The following SENP1 variants were observed in gnomAD, a reference collection of about 807,000 sequenced individuals.
The protein encoded by SENP1 is sentrin-specific protease 1.
A neutral mutation model predicts 93.0 loss-of-function variants in SENP1; 21 were observed. That is an observed-to-expected ratio of 0.23 (90% CI 0.16 to 0.33). The LOEUF is 0.33. SENP1 is among the 10% of genes least tolerant of loss of function. The pLI is 1.00. For missense variants in SENP1, 591 were observed against 758.7 expected, an observed-to-expected ratio of 0.78 and a Z score of 2.60; for synonymous variants, 256 against 259.6, an observed-to-expected ratio of 0.99 and a Z score of 0.13.
intron 5 of SENP1, among the ~76,000 whole-genome samples, chr12:48,084,452 T>TA (rs1046546328): frequency 5.2e-5 from 6 of 114,568 alleles, no homozygotes; most frequent in Non-Finnish European, 1.1e-4. Context: ...TTTGAGTTTT[T>TA]TTTTTTTTTT....
intron 6 of SENP1, among the ~76,000 whole-genome samples, chr12:48,075,345 G>A (rs939213800): frequency 3.3e-5 from 5 of 152,114 alleles, no homozygotes; most frequent in African/African-American, 9.7e-5. Flanking sequence ...ATAGTGCAGA[G>A]GAACTATAGG....
intron 10 of SENP1, 108 bp downstream of exon 10, chr12:48,066,819 G>T: frequency 1.1e-6 from 1 of 888,306 alleles, no homozygotes; most frequent in Admixed American, 2.1e-5. Flanking sequence ...GCCTAAACAG[G>T]TACTTCTTAT....
chr12:48,106,017 C>T lies in SENP1; in HGVS notation c.-45+11G>A, dbSNP rs1469271028. The stretch of plus-strand genomic sequence containing the variant: ...TCCTCACCCCTCCCCCAGCTTCCCG[C>T]CGCCACTCACCGAACCGGAACCGGC... On this transcript the variant is annotated intron_variant, in intron 1 of 17. Coordinates refer to ENST00000549518, the MANE Select transcript of SENP1 (RefSeq NM_001267594.2). 5.7e-6 allele frequency: 4 copies of T among 701,186 alleles called. No individual in the cohort carries two copies. In the Admixed American group the frequency reaches 8.0e-5, roughly 14 times the overall value. 43.4% of individuals were successfully genotyped at this position (701,186 alleles called of 1,614,324 possible).
rs141926062 is a variant in SENP1 at position 48,073,119 on chromosome 12, T to C, written c.940+1205A>G. On this transcript the variant is annotated intron_variant, in intron 8 of 17. Transcript: ENST00000549518. ...GAATACTACTCAAAGGCAGGAATCATGTTCTTCTAAAGTGCTGTCATTAGA... is the reference window on the plus strand; with the variant it reads ...GAATACTACTCAAAGGCAGGAATCACGTTCTTCTAAAGTGCTGTCATTAGA... Among the ~76,000 whole-genome samples the C allele has an allele frequency of 4.7e-3, 722 of 152,326 alleles. 7 individuals carry two copies. Among genetic ancestry groups the C allele is most frequent in the African/African-American group, 0.016 (648 of 41,564 alleles).
In SENP1 at chr12:48,044,248, G is replaced by A. The variant is rs1175849491; in HGVS notation, c.*1074C>T. 1.3e-5 allele frequency: 2 copies of A among 151,228 alleles called. No homozygotes were observed. Among genetic ancestry groups the A allele is most frequent in the Non-Finnish European group, 3.0e-5 (2 of 67,782 alleles). 9.4% of individuals were successfully genotyped at this position (151,228 alleles called of 1,614,324 possible). A position where few individuals can be genotyped will look rare whatever the true frequency, so the allele number is the denominator to read the frequency against. On this transcript the variant is annotated 3_prime_UTR_variant, in exon 18 of 18. Coordinates refer to ENST00000549518, the MANE Select transcript of SENP1 (RefSeq NM_001267594.2). ...ACAAACACCCTACTCATAGGGGCTG[G>A]GATCTCTGTGTGCTGGAATTTGGAA...
chr12:48,060,780 T>G (rs1161561549), intron 13 of SENP1, among the ~76,000 whole-genome samples: 2 of 152,170 alleles, frequency 1.3e-5, no homozygotes, highest in East Asian at 3.9e-4. Flanking sequence ...TATCCTCCCT[T>G]CCCTTAATTA....
chr12:48,043,392 G>C lies in SENP1; in HGVS notation c.*1930C>G, dbSNP rs2136701910. On this transcript the variant is annotated 3_prime_UTR_variant, in exon 18 of 18. Transcript: ENST00000549518. ...CTGAGTCCCCCAGACAATAGTGAAA[G>C]AACCTGAAAAAGGTCTTTTGATTCA... The C allele has an allele frequency of 1.3e-5, 2 of 152,650 alleles. No individual in the cohort carries two copies. Among genetic ancestry groups the C allele is most frequent in the Middle Eastern group, 6.8e-3 (2 of 294 alleles). 9.5% of individuals were successfully genotyped at this position (152,650 alleles called of 1,614,324 possible).
rs1945673947 is a variant in SENP1, at chr12:48,097,980, A to C, written c.135+14T>G. On this transcript the variant is annotated intron_variant, in intron 3 of 17. Coordinates refer to ENST00000549518, the MANE Select transcript of SENP1 (RefSeq NM_001267594.2). The stretch of plus-strand genomic sequence containing the variant: ...AAATAATTAATTAATTAAAGGAAGA[A>C]AATTGCTCCTAACCTGCTGGTCAGA... 1 of 1,609,700 alleles carries C rather than the reference A, an allele frequency of 6.2e-7. No individual in the cohort carries two copies. Among genetic ancestry groups the C allele is most frequent in the Non-Finnish European group, 8.5e-7 (1 of 1,177,890 alleles).
intron 4 of SENP1, among the ~76,000 whole-genome samples, chr12:48,095,304 A>C: frequency 6.6e-6 from 1 of 151,958 alleles, no homozygotes; most frequent in Non-Finnish European, 1.5e-5. Flanking sequence ...TGGGAGGGGG[A>C]GCCAGGCGGA....
At chr12:48,047,364 C>A (rs1271605273) in intron 15 of SENP1, among the ~76,000 whole-genome samples, 1 of 152,158 alleles carries the variant, frequency 6.6e-6, no homozygotes, top group African/African-American at 2.4e-5. Context: ...TCTTTTTATT[C>A]TTTTCCTTGG....
intron 16 of SENP1, 102 bp from the exon 17 acceptor site, chr12:48,046,553 A>G: frequency 1.2e-6 from 1 of 849,578 alleles, no homozygotes; most frequent in Non-Finnish European, 2.0e-6. Context: ...GTTTCTCTAA[A>G]TTACAAACAG....
intron 1 of SENP1, among the ~76,000 whole-genome samples, chr12:48,103,761 G>A (rs1002395714): frequency 6.6e-6 from 1 of 152,196 alleles, no homozygotes; most frequent in African/African-American, 2.4e-5. Flanking sequence ...ACATTCAGAT[G>A]AAGTCAGGTT....
intron 5 of SENP1, chr12:48,085,516 C>T (rs1944792976): frequency 1.9e-6 from 1 of 531,804 alleles, no homozygotes; most frequent in Non-Finnish European, 3.3e-6. Context: ...CATTTTGAGC[C>T]TCTAATTTCC....
intron 12 of SENP1, among the ~76,000 whole-genome samples, chr12:48,064,102 GT>G: frequency 6.6e-6 from 1 of 152,020 alleles, no homozygotes; most frequent in South Asian, 2.1e-4. Flanking sequence ...AATTCCTAAA[GT>G]CTGGAACAAC....
chr12:48,097,521 T>A (rs963980980), intron 3 of SENP1, among the ~76,000 whole-genome samples: 1 of 152,250 alleles, frequency 6.6e-6, no homozygotes, highest in African/African-American at 2.4e-5. Flanking sequence ...TTTTAAAATA[T>A]AAATTCTGAT....
At chr12:48,046,000 A>G (rs1439797215) in intron 17 of SENP1, among the ~76,000 whole-genome samples, 7 of 152,206 alleles carry the variant, frequency 4.6e-5, no homozygotes, top group Admixed American at 4.6e-4. Context: ...AGATTGAGGT[A>G]TGGCCTATTC....
chr12:48,072,057 G>T (rs1943741018), intron 8 of SENP1, among the ~76,000 whole-genome samples: 1 of 152,286 alleles, frequency 6.6e-6, no homozygotes. Context: ...AAGTCTTCAT[G>T]GTAGTCCTCT....
intron 6 of SENP1, among the ~76,000 whole-genome samples, chr12:48,076,667 G>A (rs1030890641): frequency 3.4e-5 from 5 of 145,606 alleles, no homozygotes; most frequent in South Asian, 2.2e-4. Flanking sequence ...TTTTTGAGAC[G>A]GAGTCTCACT....
chr12:48,096,610 C>A (rs1171810118), intron 3 of SENP1, among the ~76,000 whole-genome samples, 183 bp from the exon 4 acceptor site: 1 of 152,130 alleles, frequency 6.6e-6, no homozygotes, highest in African/African-American at 2.4e-5. Flanking sequence ...CACGCGCCAT[C>A]ACACCTGGCT....
Sources: gnomAD v4.1 joint callset for allele counts (sites outside exome capture counted in the v4.1 genomes callset) on GRCh38, gnomAD v4.1.1 for gene constraint, MANE v1.5 for transcripts, NCBI Gene and HGNC (gene_info 2026-07-23, HGNC 2026-07-21) for gene names.